Variants in NYAP2 observed in about 807,000 individuals in gnomAD.
The protein encoded by NYAP2 is neuronal tyrosine-phosphorylated phosphoinositide-3-kinase adapter 2.
Under a neutral mutation model 50.4 loss-of-function variants are expected in NYAP2, and 23 were observed. The observed-to-expected ratio is 0.46, with a 90% confidence interval of 0.33 to 0.65. The LOEUF is 0.65. Among genes scored for constraint, NYAP2 ranks in the 30% least tolerant of loss-of-function variants. The pLI is 0.02. For missense variants in NYAP2, 885 were observed against 861.0 expected (o/e 1.03, Z -0.35); for synonymous variants, 394 against 365.2 (o/e 1.08, Z -0.90).
chr2:225,649,616 C>A (rs192092325), intron 6 of NYAP2, among the ~76,000 whole-genome samples: 4 of 152,178 alleles, frequency 2.6e-5, no homozygotes, highest in African/African-American at 9.7e-5. Flanking sequence ...GTGATCCACC[C>A]GCATCAGCCC....
intron 3 of NYAP2, among the ~76,000 whole-genome samples, chr2:225,445,224 C>A (rs996626873): frequency 1.2e-4 from 18 of 152,018 alleles, no homozygotes; most frequent in Non-Finnish European, 2.6e-4. Context: ...CCACGTTCAC[C>A]TAAAGTATGT....
chr2:225,629,423 C>G (rs192346911), intron 6 of NYAP2, among the ~76,000 whole-genome samples: 17 of 152,310 alleles, frequency 1.1e-4, no homozygotes, highest in Admixed American at 8.5e-4. Context: ...GTTTTACTAG[C>G]TATCTGGGCA....
At chr2:225,537,074 G>A (rs138070036) in intron 4 of NYAP2, among the ~76,000 whole-genome samples, 7 of 152,060 alleles carry the variant, frequency 4.6e-5, no homozygotes, top group East Asian at 1.9e-4. Flanking sequence ...CACTGAGCCC[G>A]GCCTTATTCA....
At chr2:225,661,854 G>T in the NYAP2 span, among the ~76,000 whole-genome samples, 1 of 151,802 alleles carries the variant, frequency 6.6e-6, no homozygotes, top group Non-Finnish European at 1.5e-5. Context: ...CTCCCAAGTA[G>T]TTGGGATTAC....
chr2:225,588,991 C>T (rs1692441050), intron 5 of NYAP2, among the ~76,000 whole-genome samples: 1 of 152,132 alleles, frequency 6.6e-6, no homozygotes, highest in Admixed American at 6.5e-5. Context: ...GGTTTTCCTA[C>T]CTTCTCCCTT....
intron 4 of NYAP2, among the ~76,000 whole-genome samples, chr2:225,540,850 G>A (rs1040744979): frequency 6.6e-6 from 1 of 151,930 alleles, no homozygotes; most frequent in African/African-American, 2.4e-5. Context: ...TTAGTTTTTT[G>A]AGAAATCTCC....
chr2:225,531,551 G>A (rs147055924), intron 4 of NYAP2, among the ~76,000 whole-genome samples: 251 of 152,270 alleles, frequency 1.6e-3, no homozygotes, highest in African/African-American at 5.6e-3. Flanking sequence ...TACTGCAGAC[G>A]TGGGCTTAAT....
intron 4 of NYAP2, among the ~76,000 whole-genome samples, chr2:225,557,867 A>G (rs1379589533): frequency 6.6e-6 from 1 of 152,212 alleles, no homozygotes; most frequent in Non-Finnish European, 1.5e-5. Flanking sequence ...GTTAGGTGGA[A>G]TCACATTGTT....
the NYAP2 span, among the ~76,000 whole-genome samples, chr2:225,665,453 C>G: frequency 2.8e-4 from 43 of 152,038 alleles, no homozygotes; most frequent in Non-Finnish European, 2.5e-4. Flanking sequence ...TCCTGCTGGT[C>G]TTCTCAATAG....
intron 3 of NYAP2, among the ~76,000 whole-genome samples, chr2:225,434,230 A>G (rs2106136129): frequency 6.6e-6 from 1 of 152,304 alleles, no homozygotes; most frequent in African/African-American, 2.4e-5. Flanking sequence ...GTCAGAGACA[A>G]CTGCCCCTCT....
chr2:225,419,070 T>C (rs943380584), intron 3 of NYAP2, among the ~76,000 whole-genome samples: 1 of 152,192 alleles, frequency 6.6e-6, no homozygotes, highest in African/African-American at 2.4e-5. Context: ...AACAATTGCC[T>C]AGAGGTCTCT....
At chr2:225,431,472 G>A (rs938222202) in intron 3 of NYAP2, among the ~76,000 whole-genome samples, 3 of 152,174 alleles carry the variant, frequency 2.0e-5, no homozygotes, top group African/African-American at 7.2e-5. Context: ...CCTGTGTAGG[G>A]TAATTAATGA....
intron 6 of NYAP2, among the ~76,000 whole-genome samples, chr2:225,642,484 G>T (rs1009039886): frequency 6.6e-6 from 1 of 152,104 alleles, no homozygotes; most frequent in African/African-American, 2.4e-5. Flanking sequence ...GTGTAGAGAG[G>T]TCAAGCAAAT....
intron 3 of NYAP2, among the ~76,000 whole-genome samples, chr2:225,504,892 C>A (rs934132618): frequency 6.6e-6 from 1 of 151,928 alleles, no homozygotes; most frequent in Admixed American, 6.6e-5. Flanking sequence ...CCTGTAATCC[C>A]AGCTACTTGG....
intron 5 of NYAP2, among the ~76,000 whole-genome samples, chr2:225,605,567 C>T (rs910526871): frequency 6.6e-6 from 1 of 152,016 alleles, no homozygotes; most frequent in African/African-American, 2.4e-5. Context: ...AAAGTCTCAT[C>T]CACCTACTCA....
chr2:225,419,549 G>C (rs1447939408), intron 3 of NYAP2, among the ~76,000 whole-genome samples: 1 of 152,090 alleles, frequency 6.6e-6, no homozygotes, highest in African/African-American at 2.4e-5. Flanking sequence ...TTCATAATGA[G>C]TCCCTTATCT....
At chr2:225,654,178 C>T (rs1693786569), downstream of NYAP2, among the ~76,000 whole-genome samples, 1 of 152,102 alleles carries the variant, frequency 6.6e-6, no homozygotes, top group South Asian at 2.1e-4. Context: ...GGTGGAAAAA[C>T]ATGTAAAACT....
the NYAP2 span, among the ~76,000 whole-genome samples, chr2:225,668,729 C>T: frequency 1.3e-5 from 2 of 151,228 alleles, no homozygotes; most frequent in Admixed American, 6.6e-5. Context: ...ACTGTCCTTT[C>T]CTGTGTGTGT....
chr2:225,416,187 T>C (rs1018990582), intron 3 of NYAP2, among the ~76,000 whole-genome samples: 1 of 152,182 alleles, frequency 6.6e-6, no homozygotes, highest in Non-Finnish European at 1.5e-5. Context: ...TGTTTTTATG[T>C]AAAAATCATG....
Sources: allele counts gnomAD v4.1 joint callset (sites outside exome capture counted in the v4.1 genomes callset), GRCh38; gene constraint gnomAD v4.1.1; transcripts MANE v1.5; gene names NCBI Gene and HGNC (gene_info 2026-07-23, HGNC 2026-07-21).